The following TOMM7 variants were observed in gnomAD, a reference collection of about 807,000 sequenced individuals.
The protein encoded by TOMM7 is translocase of outer mitochondrial membrane 7, also known as mitochondrial import receptor subunit TOM7 homolog.
A neutral mutation model predicts 9.5 loss-of-function variants in TOMM7; 8 were observed. That is an observed-to-expected ratio of 0.84 (90% CI 0.49 to 1.51). The LOEUF (loss-of-function observed/expected upper bound fraction) is 1.51. TOMM7 is among the 40% of genes most tolerant of loss of function. The probability of loss-of-function intolerance (pLI) is 0.00; values close to 1 mark genes in which losing one functional copy is unlikely to be tolerated. For missense variants in TOMM7, 74 were observed against 63.7 expected, an observed-to-expected ratio of 1.16 and a Z score of -0.55; for synonymous variants, 27 against 21.4, an observed-to-expected ratio of 1.26 and a Z score of -0.72.
chr7:22,819,892 A>T lies in TOMM7; in HGVS notation c.104-1844T>A, dbSNP rs544647661. On this transcript the variant is annotated intron_variant, in intron 1 of 2. Transcript: ENST00000358435. ...AAAACCTTTTTGTTAGTAAATGTCC[A>T]GACAGATTCTCTATTATCGTGCCAC... Among the ~76,000 whole-genome samples, 97 of 152,336 alleles carry T rather than the reference A, an allele frequency of 6.4e-4. 1 individual carries two copies. The highest frequency in any genetic ancestry group is 2.3e-3 in the African/African-American group (94 of 41,574).
intron 1 of TOMM7, among the ~76,000 whole-genome samples, chr7:22,821,800 GGTCCCA>G (rs950393257): frequency 3.3e-5 from 5 of 151,980 alleles, no homozygotes; most frequent in African/African-American, 1.2e-4. Context: ...CTACAGAATA[GGTCCCA>G]GTCTGCAACC....
intron 2 of TOMM7, among the ~76,000 whole-genome samples, chr7:22,815,240 T>C (rs1025450979): frequency 3.1e-4 from 47 of 152,228 alleles, no homozygotes; most frequent in African/African-American, 1.1e-3. Flanking sequence ...TCAAATCTTG[T>C]TGGGATAAAT....
intron 1 of TOMM7, chr7:22,822,053 G>C (rs1402449040): frequency 2.2e-6 from 3 of 1,365,686 alleles, no homozygotes; most frequent in African/African-American, 1.5e-5. Context: ...TAATGGTTAA[G>C]ACTATGGGCT....
Position 22,813,332 on chromosome 7 carries a change from GAACA to G in TOMM7, c.153-151_153-148del, listed in dbSNP as rs576688395. On this transcript the variant is annotated intron_variant, in intron 2 of 2. Coordinates refer to ENST00000358435, the MANE Select transcript of TOMM7 (RefSeq NM_019059.5). ...GTGAAAGACAAGGATCAATCCCACT[GAACA>G]AACAAATTAAATATACAGAACTGTA... 158 of 664,834 alleles carry G rather than the reference GAACA, an allele frequency of 2.4e-4. 1 individual carries two copies. The highest frequency in any genetic ancestry group is 1.6e-3 in the African/African-American group (87 of 54,936). The allele number at this position is 664,834 out of a possible 1,614,324, so 41.2% of individuals were successfully genotyped here. A position where few individuals can be genotyped will look rare whatever the true frequency, so the allele number is the denominator to read the frequency against.
At chr7:22,821,825 A>G (rs1323908166) in intron 1 of TOMM7, among the ~76,000 whole-genome samples, 1 of 152,168 alleles carries the variant, frequency 6.6e-6, no homozygotes. Flanking sequence ...CCCTAACTGA[A>G]AAATATTAAC....
intron 1 of TOMM7, among the ~76,000 whole-genome samples, chr7:22,819,817 G>A (rs1362800622): frequency 6.6e-6 from 1 of 152,208 alleles, no homozygotes; most frequent in East Asian, 1.9e-4. Flanking sequence ...TATAAGATGT[G>A]CAGAAATGCA....
intron 2 of TOMM7, among the ~76,000 whole-genome samples, chr7:22,816,647 G>C (rs562347823): frequency 6.6e-6 from 1 of 152,320 alleles, no homozygotes; most frequent in African/African-American, 2.4e-5. Context: ...TGAACAATTT[G>C]AAAGCACATA....
intron 2 of TOMM7, among the ~76,000 whole-genome samples, chr7:22,816,637 T>G (rs1782320628): frequency 6.6e-6 from 1 of 152,186 alleles, no homozygotes; most frequent in Non-Finnish European, 1.5e-5. Context: ...ACTGCAGAAG[T>G]GAACAATTTG....
chr7:22,816,045 A>T (rs1200882820), intron 2 of TOMM7, among the ~76,000 whole-genome samples: 1 of 152,236 alleles, frequency 6.6e-6, no homozygotes, highest in Non-Finnish European at 1.5e-5. Context: ...GGGACTTAGC[A>T]TGCAGTATCA....
At position 22,813,178 on chromosome 7, in the gene TOMM7, A is replaced by C; in HGVS notation, c.160T>G (p.Trp54Gly). ...MPEPTVLSLLWG is the reference protein window; with the variant it reads ...MPEPTVLSLLGG ...GAAGACCAAATAATCCTTTATCCCCAAAGTAGGCTAAAATGTTTGTGAAGA... is the reference window on the plus strand; with the variant it reads ...GAAGACCAAATAATCCTTTATCCCCCAAGTAGGCTAAAATGTTTGTGAAGA... Residue 54 changes from tryptophan (W) to glycine (G), a missense_variant, in exon 3 of 3, where the codon TGG becomes GGG. By Grantham distance (184) the Trp-to-Gly change is radical. Transcript: ENST00000358435. The C allele has an allele frequency of 6.2e-7, 1 of 1,613,106 alleles. No homozygotes were observed. Among genetic ancestry groups the C allele is most frequent in the Non-Finnish European group, 8.5e-7 (1 of 1,179,598 alleles).
intron 1 of TOMM7, 136 bp downstream of exon 1, chr7:22,822,541 T>A: frequency 1.2e-6 from 1 of 826,502 alleles, no homozygotes; most frequent in Admixed American, 2.2e-5. Flanking sequence ...TCGGCCCCAC[T>A]TGACCAGACA....
chr7:22,821,405 CAA>C (rs76073004), intron 1 of TOMM7, among the ~76,000 whole-genome samples: 86,722 of 122,754 alleles, frequency 0.71, 28,617 homozygotes, highest in East Asian at 0.84. Context: ...GACCCCGTCT[CAA>C]AAAAAAAAAA....
In TOMM7 at chr7:22,822,789, C is replaced by T. The variant is rs374907365; in HGVS notation, c.-10G>A. Reference sequence around the variant, plus strand: ...TGCTCAGCTTCACCATGGCGACGGCCGTGTGGCGCAGGGAGGACCCCTTAC... The same window carrying T: ...TGCTCAGCTTCACCATGGCGACGGCTGTGTGGCGCAGGGAGGACCCCTTAC... On this transcript the variant is annotated 5_prime_UTR_variant, in exon 1 of 3. Coordinates refer to ENST00000358435, the MANE Select transcript of TOMM7 (RefSeq NM_019059.5). 3.1e-5 allele frequency: 50 copies of T among 1,612,784 alleles called. No homozygotes were observed. The highest frequency in any genetic ancestry group is 4.1e-5 in the Non-Finnish European group (48 of 1,178,880).
intron 1 of TOMM7, among the ~76,000 whole-genome samples, chr7:22,818,580 C>T (rs943794508): frequency 4.6e-5 from 7 of 151,464 alleles, no homozygotes; most frequent in African/African-American, 7.3e-5. Context: ...CATGCCCCGA[C>T]GAAAACAAAC....
intron 2 of TOMM7, among the ~76,000 whole-genome samples, chr7:22,815,823 TAAAAAA>T (rs1002062431): frequency 6.8e-6 from 1 of 147,816 alleles, no homozygotes; most frequent in African/African-American, 2.5e-5. Flanking sequence ...CTATAAAAAT[TAAAAAA>T]AAAAAAAGAA....
rs550094524 is a variant in TOMM7, at chr7:22,820,190, G to A, written c.104-2142C>T. ...CTGTCTCTATTTCAACATGGGAACT[G>A]GTTTAGACATAAAATTAAATATACA... On this transcript the variant is annotated intron_variant, in intron 1 of 2. Coordinates refer to ENST00000358435, the MANE Select transcript of TOMM7 (RefSeq NM_019059.5). Among the ~76,000 whole-genome samples the A allele has an allele frequency of 4.3e-4, 66 of 152,152 alleles. 1 individual carries two copies. Among genetic ancestry groups the A allele is most frequent in the African/African-American group, 1.6e-3 (65 of 41,500 alleles).
intron 1 of TOMM7, chr7:22,822,047 G>A: frequency 7.6e-7 from 1 of 1,323,062 alleles, no homozygotes; most frequent in Non-Finnish European, 1.0e-6. Context: ...GCGCTATAAT[G>A]GTTAAGACTA....
chr7:22,814,651 T>C lies in TOMM7; in HGVS notation c.153-1466A>G, dbSNP rs188328503. 2.0e-5 allele frequency among the ~76,000 whole-genome samples: 3 copies of C among 152,308 alleles called. No individual in the cohort carries two copies. In the East Asian group the frequency reaches 5.8e-4, roughly 29 times the overall value. ...TAGTCACATATTTTGCCTAAATGTT[T>C]TACAAAGACACTGCCCCTTATATAT... On this transcript the variant is annotated intron_variant, in intron 2 of 2. Transcript: ENST00000358435.
chr7:22,814,126 C>T lies in TOMM7; in HGVS notation c.153-941G>A, dbSNP rs191537864. Among the ~76,000 whole-genome samples, 11 of 146,186 alleles carry T rather than the reference C, an allele frequency of 7.5e-5. No individual in the cohort carries two copies. The South Asian group carries it at 1.1e-3, about 15-fold the overall frequency. ...GAGGTGGGTGGATCGCCTGAGCCCA[C>T]GAGTTCGAAACCAGCCTGGGAAACA... On this transcript the variant is annotated intron_variant, in intron 2 of 2. Transcript: ENST00000358435.
Sources: allele counts gnomAD v4.1 joint callset (sites outside exome capture counted in the v4.1 genomes callset), GRCh38; gene constraint gnomAD v4.1.1; transcripts MANE v1.5; gene names NCBI Gene and HGNC (gene_info 2026-07-23, HGNC 2026-07-21).